The following PTPRR variants were observed in gnomAD, a reference collection of about 807,000 sequenced individuals.
PTPRR encodes the protein protein tyrosine phosphatase receptor type R.
A neutral mutation model predicts 77.2 loss-of-function variants in PTPRR; 38 were observed. The observed-to-expected ratio is 0.49, with a 90% CI of 0.38 to 0.65. PTPRR has a LOEUF of 0.65. PTPRR is among the 30% of genes least tolerant of loss of function. The pLI is 0.00. For missense variants in PTPRR, 744 were observed against 799.2 expected (o/e 0.93, Z 0.83); for synonymous variants, 299 against 283.1 (o/e 1.06, Z -0.57).
intron 2 of PTPRR, among the ~76,000 whole-genome samples, chr12:70,845,336 C>G (rs944186935): frequency 6.6e-6 from 1 of 151,846 alleles, no homozygotes; most frequent in Non-Finnish European, 1.5e-5. Flanking sequence ...AACCACCCCC[C>G]AAAAAAAGGA....
chr12:70,662,165 A>T (rs1886821696), intron 11 of PTPRR, among the ~76,000 whole-genome samples: 2 of 141,206 alleles, frequency 1.4e-5, no homozygotes, highest in Non-Finnish European at 3.0e-5. Flanking sequence ...AAATGACATT[A>T]AAAAAAATCA....
intron 2 of PTPRR, among the ~76,000 whole-genome samples, chr12:70,784,115 T>C (rs1252238772): frequency 6.6e-6 from 1 of 152,138 alleles, no homozygotes; most frequent in Admixed American, 6.5e-5. Context: ...TCCTGCTTGC[T>C]CGGTGGAGCG....
intron 2 of PTPRR, among the ~76,000 whole-genome samples, chr12:70,783,420 A>G (rs918114738): frequency 6.6e-6 from 1 of 152,016 alleles, no homozygotes; most frequent in African/African-American, 2.4e-5. Flanking sequence ...AACTCTCAGC[A>G]GAGAGGGTAG....
At chr12:70,911,954 C>T (rs1893706962) in intron 1 of PTPRR, among the ~76,000 whole-genome samples, 1 of 152,170 alleles carries the variant, frequency 6.6e-6, no homozygotes, top group Non-Finnish European at 1.5e-5. Context: ...TCCCACTTAA[C>T]TCTCAACTAC....
chr12:70,767,863 C>T (rs551484930), intron 2 of PTPRR, among the ~76,000 whole-genome samples: 1 of 152,334 alleles, frequency 6.6e-6, no homozygotes, highest in East Asian at 1.9e-4. Flanking sequence ...AAGAAACTCA[C>T]TCAAAACCAC....
At chr12:70,867,893 A>G (rs1403616680) in intron 2 of PTPRR, among the ~76,000 whole-genome samples, 1 of 152,190 alleles carries the variant, frequency 6.6e-6, no homozygotes, top group Non-Finnish European at 1.5e-5. Context: ...CATATCTACA[A>G]CCATCTGATC....
intron 1 of PTPRR, among the ~76,000 whole-genome samples, chr12:70,918,951 C>T (rs1430360129): frequency 1.3e-5 from 2 of 152,292 alleles, no homozygotes; most frequent in East Asian, 1.9e-4. Context: ...TAGCTATTTT[C>T]TACTTCTCAA....
intron 2 of PTPRR, among the ~76,000 whole-genome samples, chr12:70,808,234 C>T (rs541220939): frequency 6.6e-6 from 1 of 152,196 alleles, no homozygotes; most frequent in Non-Finnish European, 1.5e-5. Flanking sequence ...TGGTTCTCTG[C>T]TCTTGAACTC....
chr12:70,679,064 G>A (rs550701330), intron 10 of PTPRR, among the ~76,000 whole-genome samples: 1 of 152,262 alleles, frequency 6.6e-6, no homozygotes, highest in East Asian at 1.9e-4. Context: ...AGCATTTATT[G>A]ATATAAACTT....
intron 13 of PTPRR, among the ~76,000 whole-genome samples, chr12:70,646,695 A>G (rs1886212326): frequency 6.6e-6 from 1 of 152,190 alleles, no homozygotes; most frequent in East Asian, 1.9e-4. Flanking sequence ...TAAGCAAATC[A>G]AAATGTTGAA....
Position 70,639,115 on chromosome 12 carries a change from T to G in PTPRR, c.*69A>C. 7.2e-7 allele frequency: 1 copy of G among 1,382,178 alleles called. No homozygotes were observed. The highest frequency in any genetic ancestry group is 1.0e-6 in the Non-Finnish European group (1 of 987,356). The allele number at this position is 1,382,178 out of a possible 1,614,324, so 85.6% of individuals were successfully genotyped here. On this transcript the variant is annotated 3_prime_UTR_variant, in exon 14 of 14. Transcript: ENST00000283228. ...TCCTTCCATTGCAGGAAGCTCCTTC[T>G]AGAAGCCTTGGGTGGGTAATTTGAT...
At chr12:70,768,359 C>A (rs985706828) in intron 2 of PTPRR, among the ~76,000 whole-genome samples, 7 of 152,142 alleles carry the variant, frequency 4.6e-5, no homozygotes, top group African/African-American at 1.7e-4. Context: ...TACAAACTAC[C>A]ATCAGAGAAT....
Position 70,668,045 on chromosome 12 carries a change from G to A in PTPRR, c.1498-5440C>T, listed in dbSNP as rs889004336. Among the ~76,000 whole-genome samples the A allele has an allele frequency of 2.2e-4, 34 of 152,038 alleles. 1 individual carries two copies. Among genetic ancestry groups the A allele is most frequent in the Non-Finnish European group, 1.5e-4 (10 of 68,004 alleles). On this transcript the variant is annotated intron_variant, in intron 10 of 13. Transcript: ENST00000283228. ...TTTTAAAACCTGATCAAAATGTCTT[G>A]TCTATCTCCTCTTCCAAAAGAGAAT...
intron 8 of PTPRR, among the ~76,000 whole-genome samples, chr12:70,692,339 G>C (rs1888084205): frequency 1.3e-5 from 2 of 152,106 alleles, no homozygotes; most frequent in African/African-American, 4.8e-5. Context: ...TTATCTATCT[G>C]TGCTGTCCAA....
At chr12:70,845,505 T>A (rs1444104072) in intron 2 of PTPRR, among the ~76,000 whole-genome samples, 1 of 152,170 alleles carries the variant, frequency 6.6e-6, no homozygotes, top group Non-Finnish European at 1.5e-5. Flanking sequence ...AGTGCTTTTT[T>A]ATATCCCTTT....
chr12:70,911,587 T>C (rs776779343), intron 1 of PTPRR, among the ~76,000 whole-genome samples: 9 of 151,854 alleles, frequency 5.9e-5, no homozygotes, highest in Non-Finnish European at 1.3e-4. Context: ...GAAGACATGA[T>C]GCTAGAATTC....
At chr12:70,832,791 G>A (rs988858497) in intron 2 of PTPRR, among the ~76,000 whole-genome samples, 5 of 152,118 alleles carry the variant, frequency 3.3e-5, no homozygotes, top group African/African-American at 1.2e-4. Context: ...TCTGCAGGCT[G>A]TACAAGCATG....
At chr12:70,658,882 A>ATT (rs1886680949) in intron 12 of PTPRR, among the ~76,000 whole-genome samples, 2 of 42,692 alleles carry the variant, frequency 4.7e-5, no homozygotes, top group East Asian at 8.8e-4. Flanking sequence ...CTTTTGCTCT[A>ATT]GTTTTTTTTT....
chr12:70,726,409 T>C (rs558219732), intron 6 of PTPRR, among the ~76,000 whole-genome samples: 1 of 152,156 alleles, frequency 6.6e-6, no homozygotes, highest in South Asian at 2.1e-4. Flanking sequence ...GCAAGTGACA[T>C]AACCTCCTGC....
Sources: allele counts gnomAD v4.1 joint callset (sites outside exome capture counted in the v4.1 genomes callset), GRCh38; gene constraint gnomAD v4.1.1; transcripts MANE v1.5; gene names NCBI Gene and HGNC (gene_info 2026-07-23, HGNC 2026-07-21).